Variants in FMN1 observed in about 807,000 individuals in gnomAD.
The protein encoded by FMN1 is formin-1.
A neutral mutation model predicts 132.4 loss-of-function variants in FMN1; 110 were observed. That is an observed-to-expected ratio of 0.83 (90% CI 0.71 to 0.97). The LOEUF (loss-of-function observed/expected upper bound fraction) is 0.97, where lower values mean the gene tolerates loss of function less well. FMN1 is among the 50% of genes least tolerant of loss of function. The probability of loss-of-function intolerance (pLI) is 0.00; values close to 1 mark genes in which losing one functional copy is unlikely to be tolerated. For missense variants in FMN1, 1,792 were observed against 1,705.3 expected, an observed-to-expected ratio of 1.05 and a Z score of -0.90; for synonymous variants, 722 against 651.7, an observed-to-expected ratio of 1.11 and a Z score of -1.64.
chr15:32,877,158 G>T (rs923310355), intron 16 of FMN1, among the ~76,000 whole-genome samples: 2 of 152,108 alleles, frequency 1.3e-5, no homozygotes, highest in African/African-American at 4.8e-5. Flanking sequence ...ATGCTGGCGG[G>T]TGCCTGTAGT....
At chr15:33,073,556 G>A (rs2038079718) in intron 5 of FMN1, among the ~76,000 whole-genome samples, 1 of 152,080 alleles carries the variant, frequency 6.6e-6, no homozygotes, top group Admixed American at 6.5e-5. Flanking sequence ...TCAACAAACG[G>A]CATCTTGAAC....
At chr15:33,111,548 A>G (rs893649233) in intron 4 of FMN1, among the ~76,000 whole-genome samples, 3 of 152,252 alleles carry the variant, frequency 2.0e-5, no homozygotes, top group Non-Finnish European at 4.4e-5. Flanking sequence ...AGCATTACGC[A>G]TAATAGCCAA....
Position 32,769,514 on chromosome 15 carries a change from A to T in FMN1, c.*4796T>A, listed in dbSNP as rs1028552223. On this transcript the variant is annotated 3_prime_UTR_variant, in exon 21 of 21. Coordinates refer to ENST00000616417, the MANE Select transcript of FMN1 (RefSeq NM_001277313.2). The stretch of plus-strand genomic sequence containing the variant: ...TATGCCTGGATTCAATTGCTAATGG[A>T]GAGATGAATATCATTATGTAAGTCT... 6.6e-6 allele frequency: 1 copy of T among 152,232 alleles called. No individual in the cohort carries two copies. Among genetic ancestry groups the T allele is most frequent in the African/African-American group, 2.4e-5 (1 of 41,454 alleles). The allele number at this position is 152,232 out of a possible 1,614,324, so 9.4% of individuals were successfully genotyped here.
chr15:33,128,254 A>G (rs1478053512), intron 4 of FMN1, among the ~76,000 whole-genome samples: 2 of 144,384 alleles, frequency 1.4e-5, no homozygotes, highest in Non-Finnish European at 1.5e-5. Flanking sequence ...CAACACCCTC[A>G]GAGAGCAATA....
chr15:33,126,192 T>C (rs912937351), intron 4 of FMN1, among the ~76,000 whole-genome samples: 1 of 151,682 alleles, frequency 6.6e-6, no homozygotes, highest in Non-Finnish European at 1.5e-5. Context: ...AGAGACATGG[T>C]GTGTTATTAA....
At chr15:33,037,866 T>G (rs962984323) in intron 6 of FMN1, among the ~76,000 whole-genome samples, 3 of 152,240 alleles carry the variant, frequency 2.0e-5, no homozygotes, top group African/African-American at 7.2e-5. Context: ...ATCCAAAACT[T>G]TTAATTTTCA....
intron 7 of FMN1, among the ~76,000 whole-genome samples, chr15:32,994,212 C>CCTCTCTCTCTCTCTCTCTCT (rs771176022): frequency 0.037 from 5,438 of 145,950 alleles, 144 homozygotes; most frequent in Non-Finnish European, 0.056. Flanking sequence ...AGAACTCATT[C>CCTCTCTCTCTCTCTCTCTCT]CTCTCTCTCT....
intron 3 of FMN1, among the ~76,000 whole-genome samples, chr15:33,174,881 C>T (rs1965461217): frequency 6.6e-6 from 1 of 152,206 alleles, no homozygotes; most frequent in African/African-American, 2.4e-5. Flanking sequence ...AAGTGCAATT[C>T]TTCAATTACA....
chr15:32,962,241 C>G (rs148166887), intron 9 of FMN1, among the ~76,000 whole-genome samples: 3 of 152,036 alleles, frequency 2.0e-5, no homozygotes, highest in Non-Finnish European at 2.9e-5. Context: ...AATACAGCAG[C>G]CACTAGGCAT....
intron 7 of FMN1, among the ~76,000 whole-genome samples, chr15:32,996,266 G>C (rs1036212829): frequency 6.6e-6 from 1 of 152,174 alleles, no homozygotes; most frequent in Non-Finnish European, 1.5e-5. Context: ...ACATCTAGTA[G>C]ACAGCACAAA....
At chr15:32,836,513 C>T (rs534690960) in intron 17 of FMN1, among the ~76,000 whole-genome samples, 2 of 152,250 alleles carry the variant, frequency 1.3e-5, no homozygotes, top group South Asian at 4.1e-4. Context: ...CTTTTAGTCT[C>T]AGTACTACAA....
At chr15:32,863,341 G>A (rs999282700) in intron 16 of FMN1, among the ~76,000 whole-genome samples, 1 of 152,202 alleles carries the variant, frequency 6.6e-6, no homozygotes, top group Non-Finnish European at 1.5e-5. Flanking sequence ...GGCTGAGGCA[G>A]GAGAATGGCG....
chr15:33,017,638 C>T (rs1057210457), intron 6 of FMN1, among the ~76,000 whole-genome samples: 8 of 152,306 alleles, frequency 5.3e-5, no homozygotes, highest in Admixed American at 2.6e-4. Context: ...GTCAACCTTT[C>T]CTCATTCAAC....
At chr15:33,107,635 C>G (rs750382659) in intron 4 of FMN1, among the ~76,000 whole-genome samples, 1 of 152,100 alleles carries the variant, frequency 6.6e-6, no homozygotes, top group East Asian at 1.9e-4. Context: ...CTGATTTCTT[C>G]ACATCACTCA....
rs777972974 is a variant in FMN1, at chr15:32,798,957, C to CA, written c.3981-5dup. 5.6e-6 allele frequency: 9 copies of CA among 1,612,154 alleles called. No homozygotes were observed. The highest frequency in any genetic ancestry group is 7.6e-6 in the Non-Finnish European group (9 of 1,179,292). ...ATATCGTACTGTTGTTTCAAAACTG[C>CA]AACAGGTAGGGGGGAAAATGGAATG... On this transcript the variant is annotated splice_polypyrimidine_tract_variant and splice_region_variant and intron_variant, in intron 18 of 20. Transcript: ENST00000616417.
At chr15:32,963,779 T>C (rs1379863674) in intron 9 of FMN1, among the ~76,000 whole-genome samples, 2 of 152,184 alleles carry the variant, frequency 1.3e-5, no homozygotes, top group Non-Finnish European at 2.9e-5. Flanking sequence ...AGATTAAATT[T>C]TGAAAATTCA....
intron 9 of FMN1, among the ~76,000 whole-genome samples, chr15:32,947,931 T>C (rs1255720965): frequency 3.3e-5 from 5 of 152,048 alleles, no homozygotes; most frequent in Non-Finnish European, 7.4e-5. Flanking sequence ...CTTTCCAATA[T>C]ATTTTATTTG....
At chr15:32,951,308 C>T (rs2061647269) in intron 9 of FMN1, among the ~76,000 whole-genome samples, 1 of 152,130 alleles carries the variant, frequency 6.6e-6, no homozygotes, top group Admixed American at 6.6e-5. Flanking sequence ...AATGGAGATA[C>T]ATTTTAAACT....
At chr15:32,804,775 C>T (rs1207272216) in intron 17 of FMN1, among the ~76,000 whole-genome samples, 1 of 150,986 alleles carries the variant, frequency 6.6e-6, no homozygotes, top group East Asian at 2.0e-4. Context: ...GTTTTCTGTC[C>T]TTGTGATAGT....
Sources: gnomAD v4.1 joint callset for allele counts (sites outside exome capture counted in the v4.1 genomes callset) on GRCh38, gnomAD v4.1.1 for gene constraint, MANE v1.5 for transcripts, NCBI Gene and HGNC (gene_info 2026-07-23, HGNC 2026-07-21) for gene names.